GRXCR1: variants seen among roughly 807,000 people sequenced by gnomAD.
GRXCR1 encodes glutaredoxin and cysteine rich domain containing 1.
GRXCR1 carries 27 observed loss-of-function variants against 27.3 expected under a neutral mutation model. That is an observed-to-expected ratio of 0.99 (90% CI 0.73 to 1.37). The LOEUF is 1.37. GRXCR1 is among the 40% of genes most tolerant of loss of function. The pLI is 0.00. For synonymous variants in GRXCR1, 122 were observed against 131.1 expected (o/e 0.93, Z 0.47); for missense variants, 379 against 354.4 (o/e 1.07, Z -0.56).
At chr4:43,008,780 G>C (rs2109801177) in intron 2 of GRXCR1, among the ~76,000 whole-genome samples, 1 of 152,260 alleles carries the variant, frequency 6.6e-6, no homozygotes, top group East Asian at 1.9e-4. Context: ...GTGTGATTTT[G>C]AACAATATTC....
At chr4:42,994,825 C>T (rs567037328) in intron 2 of GRXCR1, among the ~76,000 whole-genome samples, 9 of 152,144 alleles carry the variant, frequency 5.9e-5, no homozygotes, top group African/African-American at 1.9e-4. Context: ...TTAGTTTATC[C>T]TTACATGTTA....
intron 1 of GRXCR1, among the ~76,000 whole-genome samples, chr4:42,956,438 T>C (rs1266913173): frequency 2.0e-5 from 3 of 151,590 alleles, no homozygotes; most frequent in East Asian, 3.9e-4. Context: ...ATGTAGCAAA[T>C]GTAGAAGAGG....
intron 1 of GRXCR1, among the ~76,000 whole-genome samples, chr4:42,906,282 C>T (rs1406816659): frequency 6.6e-6 from 1 of 152,134 alleles, no homozygotes; most frequent in East Asian, 1.9e-4. Flanking sequence ...TAGTAAGATG[C>T]TGTCCAATTT....
At chr4:42,919,485 G>A (rs1369789525) in intron 1 of GRXCR1, among the ~76,000 whole-genome samples, 2 of 152,080 alleles carry the variant, frequency 1.3e-5, no homozygotes, top group Admixed American at 6.6e-5. Flanking sequence ...ATAATGATAC[G>A]CTACAAAACT....
At chr4:42,928,333 G>C (rs1747218998) in intron 1 of GRXCR1, among the ~76,000 whole-genome samples, 1 of 151,968 alleles carries the variant, frequency 6.6e-6, no homozygotes, top group African/African-American at 2.4e-5. Context: ...TACCCATCCA[G>C]CAGATGACAT....
At chr4:42,978,190 A>T (rs186807132) in intron 2 of GRXCR1, among the ~76,000 whole-genome samples, 2 of 152,014 alleles carry the variant, frequency 1.3e-5, no homozygotes, top group African/African-American at 2.4e-5. Flanking sequence ...TGCCAGTACC[A>T]TGCTGCTTTG....
rs773329634 is a variant in GRXCR1, at chr4:42,893,446, A to G, written c.180A>G (p.Gly60=). The G allele has an allele frequency of 1.2e-6, 2 of 1,613,872 alleles. No individual in the cohort carries two copies. Among genetic ancestry groups the G allele is most frequent in the Non-Finnish European group, 1.7e-6 (2 of 1,179,830 alleles). The change falls in exon 1 of 4, where the codon GGA becomes GGG. Residue 60 remains glycine (G), a synonymous_variant. Coordinates refer to ENST00000399770, the MANE Select transcript of GRXCR1 (RefSeq NM_001080476.3). ...CGIDGLGDSD[G]QQNGHIESEG... ...TAGATGGACTAGGTGATTCCGATGG[A>G]CAGCAGAATGGCCACATAGAGTCAG...
In GRXCR1 at chr4:43,030,548, T is replaced by C. The variant is rs773989804; in HGVS notation, c.*8T>C. 6.2e-7 allele frequency: 1 copy of C among 1,612,896 alleles called. No individual in the cohort carries two copies. The highest frequency in any genetic ancestry group is 8.5e-7 in the Non-Finnish European group (1 of 1,178,898). Reference sequence around the variant, plus strand: ...AAGAACTGTGCTGGTTAATTGGAGCTTCTACCCAGGAAAAACCTCATTTTA... The same window carrying C: ...AAGAACTGTGCTGGTTAATTGGAGCCTCTACCCAGGAAAAACCTCATTTTA... On this transcript the variant is annotated 3_prime_UTR_variant, in exon 4 of 4. Coordinates refer to ENST00000399770, the MANE Select transcript of GRXCR1 (RefSeq NM_001080476.3).
At chr4:42,923,695 G>C (rs1339270859) in intron 1 of GRXCR1, among the ~76,000 whole-genome samples, 1 of 151,974 alleles carries the variant, frequency 6.6e-6, no homozygotes, top group African/African-American at 2.4e-5. Context: ...AGCACACACA[G>C]TATTCCCACA....
chr4:43,001,965 A>G (rs1712380183), intron 2 of GRXCR1, among the ~76,000 whole-genome samples: 1 of 152,260 alleles, frequency 6.6e-6, no homozygotes, highest in African/African-American at 2.4e-5. Context: ...CATGTGGGCC[A>G]GATTTATGTT....
At chr4:42,946,618 G>T (rs1747749640) in intron 1 of GRXCR1, among the ~76,000 whole-genome samples, 1 of 152,134 alleles carries the variant, frequency 6.6e-6, no homozygotes, top group African/African-American at 2.4e-5. Context: ...TTGCTTCCCT[G>T]ATGAGGGCTT....
chr4:42,901,944 T>C (rs919341462), intron 1 of GRXCR1, among the ~76,000 whole-genome samples: 11 of 152,232 alleles, frequency 7.2e-5, no homozygotes, highest in Non-Finnish European at 1.5e-4. Flanking sequence ...GGGCTTGCCC[T>C]CTTAGATACC....
chr4:42,986,324 G>A lies in GRXCR1; in HGVS notation c.627+23190G>A, dbSNP rs141769622. On this transcript the variant is annotated intron_variant, in intron 2 of 3. Coordinates refer to ENST00000399770, the MANE Select transcript of GRXCR1 (RefSeq NM_001080476.3). ...AAAATGCTGAAGTGAGGGGCTCATT[G>A]TGAGCTTTTTCTCTGAGTGTAACCT... 1.3e-3 allele frequency among the ~76,000 whole-genome samples: 197 copies of A among 152,336 alleles called. 1 individual carries two copies. Among genetic ancestry groups the A allele is most frequent in the African/African-American group, 4.5e-3 (188 of 41,582 alleles).
chr4:43,015,263 A>G (rs1237552334), intron 2 of GRXCR1, among the ~76,000 whole-genome samples: 2 of 152,152 alleles, frequency 1.3e-5, no homozygotes, highest in Non-Finnish European at 2.9e-5. Flanking sequence ...TTTGGGTTTT[A>G]CCCTAATCAC....
At position 42,954,290 on chromosome 4, in the gene GRXCR1, A is replaced by C. The variant is rs557155199; in HGVS notation, c.385-8602A>C. 1.2e-4 allele frequency among the ~76,000 whole-genome samples: 18 copies of C among 152,272 alleles called. No individual in the cohort carries two copies. The South Asian group carries it at 3.7e-3, about 32-fold the overall frequency. On this transcript the variant is annotated intron_variant, in intron 1 of 3. Coordinates refer to ENST00000399770, the MANE Select transcript of GRXCR1 (RefSeq NM_001080476.3). ...AAGTGACATTTAACCAGAGATTAGA[A>C]GAAAGCGTAGGGATGAGTAATGGAA...
chr4:43,002,375 TG>T (rs1356211661), intron 2 of GRXCR1, among the ~76,000 whole-genome samples: 1 of 152,232 alleles, frequency 6.6e-6, no homozygotes, highest in Non-Finnish European at 1.5e-5. Context: ...GACTAGAGAA[TG>T]GCGATGACCT....
At chr4:42,905,929 G>A (rs548244186) in intron 1 of GRXCR1, among the ~76,000 whole-genome samples, 2 of 152,278 alleles carry the variant, frequency 1.3e-5, no homozygotes, top group East Asian at 3.9e-4. Context: ...CCATTATCCA[G>A]GAATTTTGCT....
At chr4:43,016,310 T>G (rs1158414718) in intron 2 of GRXCR1, among the ~76,000 whole-genome samples, 1 of 152,196 alleles carries the variant, frequency 6.6e-6, no homozygotes, top group South Asian at 2.1e-4. Context: ...GACATGTACA[T>G]ATAATAATAT....
intron 2 of GRXCR1, among the ~76,000 whole-genome samples, chr4:43,001,357 C>T (rs1034231712): frequency 4.6e-5 from 7 of 152,022 alleles, no homozygotes; most frequent in East Asian, 1.9e-4. Context: ...GATAATTGGG[C>T]GTAGGGCTTG....
Sources: allele counts gnomAD v4.1 joint callset (sites outside exome capture counted in the v4.1 genomes callset), GRCh38; gene constraint gnomAD v4.1.1; transcripts MANE v1.5; gene names NCBI Gene and HGNC (gene_info 2026-07-23, HGNC 2026-07-21).